Variants in DPYD observed in about 807,000 individuals in gnomAD.
DPYD encodes dihydropyrimidine dehydrogenase.
A neutral mutation model predicts 116.2 loss-of-function variants in DPYD; 109 were observed. That is an observed-to-expected ratio of 0.94 (90% CI 0.80 to 1.10). The LOEUF (loss-of-function observed/expected upper bound fraction) is 1.10. Among genes scored for constraint, DPYD ranks in the 50% least tolerant of loss-of-function variants. DPYD has a pLI of 0.00. For missense variants in DPYD, 1,302 were observed against 1,254.5 expected (o/e 1.04, Z -0.57); for synonymous variants, 440 against 432.0 (o/e 1.02, Z -0.23).
At chr1:97,364,873 G>A (rs1670942390) in intron 16 of DPYD, among the ~76,000 whole-genome samples, 1 of 151,996 alleles carries the variant, frequency 6.6e-6, no homozygotes, top group Non-Finnish European at 1.5e-5. Context: ...TCCTTCTCTA[G>A]TCAGGCAAAT....
At chr1:97,411,155 T>C (rs535196394) in intron 14 of DPYD, among the ~76,000 whole-genome samples, 2 of 152,328 alleles carry the variant, frequency 1.3e-5, no homozygotes, top group East Asian at 3.9e-4. Flanking sequence ...AAGATTTTCA[T>C]TGCACTTATC....
Position 97,263,978 on chromosome 1 carries a change from C to T in DPYD, c.2300-28984G>A, listed in dbSNP as rs188063374. 3.0e-4 allele frequency among the ~76,000 whole-genome samples: 46 copies of T among 151,848 alleles called. No homozygotes were observed. The East Asian group carries it at 8.5e-3, about 28-fold the overall frequency. ...GTACTTATAACATGGCTGAAAATAG[C>T]CCTTGATATTATCTTTTTTCTTTTA... On this transcript the variant is annotated intron_variant, in intron 18 of 22. Coordinates refer to ENST00000370192, the MANE Select transcript of DPYD (RefSeq NM_000110.4).
intron 16 of DPYD, among the ~76,000 whole-genome samples, chr1:97,367,852 T>C (rs902470606): frequency 5.9e-5 from 9 of 152,120 alleles, no homozygotes; most frequent in Non-Finnish European, 8.8e-5. Flanking sequence ...AACTGTTAGG[T>C]AAAGAAATCA....
chr1:97,327,549 C>A (rs1668770389), intron 16 of DPYD, among the ~76,000 whole-genome samples: 1 of 151,840 alleles, frequency 6.6e-6, no homozygotes, highest in Non-Finnish European at 1.5e-5. Flanking sequence ...TTAAAAAGGT[C>A]TATTTCCTTT....
chr1:97,313,513 G>GTGTA (rs1051076278), intron 16 of DPYD, among the ~76,000 whole-genome samples: 2 of 151,686 alleles, frequency 1.3e-5, no homozygotes, highest in Admixed American at 1.3e-4. Context: ...GTGTGTGTGT[G>GTGTA]TGTGTGTGTG....
chr1:97,290,980 A>T (rs1666109395), intron 18 of DPYD, among the ~76,000 whole-genome samples: 1 of 152,116 alleles, frequency 6.6e-6, no homozygotes, highest in African/African-American at 2.4e-5. Flanking sequence ...GAACTCAAAC[A>T]AATTTACAAG....
chr1:97,837,510 C>A (rs1669825434), intron 2 of DPYD, among the ~76,000 whole-genome samples: 2 of 152,044 alleles, frequency 1.3e-5, no homozygotes, highest in Non-Finnish European at 2.9e-5. Context: ...TGATTGTGTG[C>A]ATAAATCAGA....
intron 12 of DPYD, among the ~76,000 whole-genome samples, chr1:97,518,931 A>G (rs916586074): frequency 3.3e-5 from 5 of 152,142 alleles, no homozygotes; most frequent in African/African-American, 1.2e-4. Flanking sequence ...AAAAACACAT[A>G]TATCTATTTT....
intron 3 of DPYD, among the ~76,000 whole-genome samples, chr1:97,762,805 C>A (rs1257258774): frequency 6.6e-6 from 1 of 152,074 alleles, no homozygotes; most frequent in Non-Finnish European, 1.5e-5. Context: ...ATCAAGCTCA[C>A]ACTCCCGAAA....
intron 5 of DPYD, chr1:97,700,098 C>A: frequency 2.7e-6 from 1 of 368,088 alleles, no homozygotes; most frequent in Non-Finnish European, 5.3e-6. Context: ...CTGACGCAGG[C>A]ATCTTGGAAG....
At chr1:97,271,532 A>G (rs1476885632) in intron 18 of DPYD, among the ~76,000 whole-genome samples, 1 of 152,172 alleles carries the variant, frequency 6.6e-6, no homozygotes, top group Non-Finnish European at 1.5e-5. Context: ...AAAAATTGTA[A>G]TAAAGATCAA....
intron 18 of DPYD, among the ~76,000 whole-genome samples, chr1:97,275,836 T>C (rs1032764363): frequency 2.6e-5 from 4 of 152,314 alleles, no homozygotes; most frequent in Non-Finnish European, 4.4e-5. Context: ...CCTTGAGGCA[T>C]AGACATGTGC....
At position 97,815,325 on chromosome 1, in the gene DPYD, G is replaced by C. The variant is rs188533424; in HGVS notation, c.233+12789C>G. 1.4e-3 allele frequency among the ~76,000 whole-genome samples: 211 copies of C among 152,228 alleles called. 1 individual carries two copies. In the Middle Eastern group the frequency reaches 0.024, roughly 17 times the overall value. On this transcript the variant is annotated intron_variant, in intron 3 of 22. Coordinates refer to ENST00000370192, the MANE Select transcript of DPYD (RefSeq NM_000110.4). Reference sequence around the variant, plus strand: ...AAGGAAAGAAATGATAACTACCTAGGAACAGAGGAGAAAATAGTAGAAACA... The same window carrying C: ...AAGGAAAGAAATGATAACTACCTAGCAACAGAGGAGAAAATAGTAGAAACA...
At chr1:97,190,629 C>T (rs1172247564) in intron 20 of DPYD, among the ~76,000 whole-genome samples, 1 of 152,152 alleles carries the variant, frequency 6.6e-6, no homozygotes, top group African/African-American at 2.4e-5. Context: ...CAACTACCTG[C>T]CCTTCAACAG....
intron 13 of DPYD, among the ~76,000 whole-genome samples, chr1:97,498,490 C>G (rs978396828): frequency 7.4e-5 from 11 of 148,498 alleles, no homozygotes; most frequent in Admixed American, 2.0e-4. Flanking sequence ...CTCTCTTTCT[C>G]TGTGTGTGTG....
intron 5 of DPYD, among the ~76,000 whole-genome samples, chr1:97,702,941 G>A (rs1661688691): frequency 6.6e-6 from 1 of 151,944 alleles, no homozygotes; most frequent in African/African-American, 2.4e-5. Context: ...CTTAAAAAGT[G>A]TTTGAAGAAA....
intron 12 of DPYD, among the ~76,000 whole-genome samples, chr1:97,516,952 C>A (rs1339106908): frequency 6.6e-6 from 1 of 152,042 alleles, no homozygotes; most frequent in Non-Finnish European, 1.5e-5. Flanking sequence ...AAGTAGAAAT[C>A]CATTCTCTTG....
intron 2 of DPYD, among the ~76,000 whole-genome samples, chr1:97,843,936 T>C (rs1222384794): frequency 6.6e-6 from 1 of 152,114 alleles, no homozygotes; most frequent in East Asian, 1.9e-4. Context: ...TTTAACACTA[T>C]GTGATAACCT....
intron 3 of DPYD, among the ~76,000 whole-genome samples, chr1:97,763,021 T>C (rs1665660838): frequency 6.6e-6 from 1 of 152,086 alleles, no homozygotes; most frequent in Admixed American, 6.6e-5. Context: ...GCAAAGTGTT[T>C]GTAAAGTAGT....
Sources: gnomAD v4.1 joint callset for allele counts (sites outside exome capture counted in the v4.1 genomes callset) on GRCh38, gnomAD v4.1.1 for gene constraint, MANE v1.5 for transcripts, NCBI Gene and HGNC (gene_info 2026-07-23, HGNC 2026-07-21) for gene names.